The following LYRM4 variants were observed in gnomAD, a reference collection of about 807,000 sequenced individuals.
LYRM4 encodes LYR motif-containing protein 4.
In LYRM4, 9 loss-of-function variants were observed where a neutral mutation model predicts 11.7. The observed-to-expected ratio is 0.77, with a 90% CI of 0.46 to 1.34. The LOEUF is 1.34. Ranked by LOEUF, LYRM4 falls within the 40% of genes most tolerant of loss-of-function variation. The pLI is 0.00. For missense variants in LYRM4, 133 were observed against 112.5 expected (o/e 1.18, Z -0.82); for synonymous variants, 42 against 40.4 (o/e 1.04, Z -0.15).
chr6:5,057,079 C>A, the LYRM4 span, among the ~76,000 whole-genome samples: 5 of 152,156 alleles, frequency 3.3e-5, no homozygotes, highest in Non-Finnish European at 7.3e-5. Flanking sequence ...ACGGGTAGGG[C>A]TTTATCCATC....
the LYRM4 span, chr6:5,086,163 G>T: frequency 1.3e-6 from 2 of 1,528,484 alleles, no homozygotes; most frequent in Middle Eastern, 1.7e-4. Context: ...TGCAGTGCTC[G>T]ACGGCCTCGG....
chr6:5,091,792 A>G, the LYRM4 span, among the ~76,000 whole-genome samples: 5 of 152,112 alleles, frequency 3.3e-5, no homozygotes, highest in Non-Finnish European at 7.4e-5. Context: ...TCAACCAGAA[A>G]CTCCACATTT....
intron 2 of LYRM4, among the ~76,000 whole-genome samples, chr6:5,194,438 C>A (rs1482916442): frequency 6.6e-6 from 1 of 152,224 alleles, no homozygotes; most frequent in African/African-American, 2.4e-5. Context: ...GTTCCTAAGT[C>A]TGTAATTTCT....
chr6:5,225,753 A>T (rs1370876434), intron 1 of LYRM4, among the ~76,000 whole-genome samples: 1 of 152,204 alleles, frequency 6.6e-6, no homozygotes, highest in African/African-American at 2.4e-5. Flanking sequence ...AGATAGATAA[A>T]TATTTTACTG....
the LYRM4 span, among the ~76,000 whole-genome samples, chr6:5,097,242 A>G: frequency 1.6e-5 from 2 of 123,144 alleles, no homozygotes; most frequent in Non-Finnish European, 3.6e-5. Flanking sequence ...TCTTCTTAGA[A>G]AGCCAACAGT....
Position 5,184,102 on chromosome 6 carries a change from C to G in LYRM4, c.207+32516G>C, listed in dbSNP as rs750596174. 1.3e-5 allele frequency among the ~76,000 whole-genome samples: 2 copies of G among 151,976 alleles called. 1 individual carries two copies. The highest frequency in any genetic ancestry group is 4.1e-4 in the South Asian group (2 of 4,824). On this transcript the variant is annotated intron_variant, in intron 2 of 2. Transcript: ENST00000330636. Reference sequence around the variant, plus strand: ...ACTTTTTTTTTCTTGTGTATCAAAGCTTTTATACAAGAAACTAAGTGGTAA... The same window carrying G: ...ACTTTTTTTTTCTTGTGTATCAAAGGTTTTATACAAGAAACTAAGTGGTAA...
chr6:5,230,153 CAG>C (rs1763148810), intron 1 of LYRM4, among the ~76,000 whole-genome samples: 1 of 152,172 alleles, frequency 6.6e-6, no homozygotes, highest in South Asian at 2.1e-4. Context: ...CCTATTTAGA[CAG>C]TGCAATTTCC....
At chr6:5,186,604 T>C (rs1760408042) in intron 2 of LYRM4, 1 of 979,770 alleles carries the variant, frequency 1.0e-6, no homozygotes. Context: ...CAGAAGGAAA[T>C]GCAAGAGAAT....
the LYRM4 span, among the ~76,000 whole-genome samples, chr6:5,044,651 A>G: frequency 3.9e-5 from 6 of 152,120 alleles, no homozygotes; most frequent in African/African-American, 1.4e-4. Flanking sequence ...AAGAAAATGT[A>G]TCCCCTCTAG....
chr6:5,169,733 C>T (rs540325985), intron 2 of LYRM4, among the ~76,000 whole-genome samples: 12 of 152,264 alleles, frequency 7.9e-5, no homozygotes, highest in African/African-American at 2.6e-4. Context: ...CTGACTTATT[C>T]GCTTGCCTAT....
intron 2 of LYRM4, among the ~76,000 whole-genome samples, chr6:5,123,413 C>T (rs1263845531): frequency 2.0e-5 from 3 of 152,126 alleles, no homozygotes; most frequent in East Asian, 1.9e-4. Context: ...GACTCACCCC[C>T]GAAGACACTG....
downstream of LYRM4, among the ~76,000 whole-genome samples, chr6:5,101,872 T>C (rs1762507555): frequency 6.6e-6 from 1 of 151,872 alleles, no homozygotes; most frequent in Non-Finnish European, 1.5e-5. Context: ...CATGGCTCAC[T>C]TGACCTCCTG....
At chr6:5,101,968 C>CTTTTTTTTTTTTGTTTTTTTTTT (rs1762514783), downstream of LYRM4, among the ~76,000 whole-genome samples, 1 of 67,988 alleles carries the variant, frequency 1.5e-5, no homozygotes, top group Non-Finnish European at 3.0e-5. Flanking sequence ...CTAATGCTTT[C>CTTTTTTTTTTTTGTTTTTTTTTT]TTTTTTTTTT....
chr6:5,055,908 C>T, the LYRM4 span, among the ~76,000 whole-genome samples: 39 of 152,142 alleles, frequency 2.6e-4, no homozygotes, highest in Non-Finnish European at 4.7e-4. This position sits in a 1 kb window ranked among gnomAD's most constrained non-coding sequence, Gnocchi z 4.5. Flanking sequence ...AGTGGTTATT[C>T]AAGTTTTTGG....
intron 2 of LYRM4, among the ~76,000 whole-genome samples, chr6:5,136,019 G>A (rs1757076563): frequency 6.6e-6 from 1 of 152,160 alleles, no homozygotes; most frequent in Non-Finnish European, 1.5e-5. Flanking sequence ...TTTCTTCTAT[G>A]GCTTATTTCA....
At chr6:5,124,419 T>C (rs565901391) in intron 2 of LYRM4, among the ~76,000 whole-genome samples, 24 of 152,342 alleles carry the variant, frequency 1.6e-4, no homozygotes, top group African/African-American at 5.3e-4. Flanking sequence ...AGAAAAGGTT[T>C]CTTTCCTAGC....
chr6:5,108,471 G>T lies in LYRM4; in HGVS notation c.*952C>A, dbSNP rs1467444827. On this transcript the variant is annotated 3_prime_UTR_variant, in exon 3 of 3. Coordinates refer to ENST00000330636, the MANE Select transcript of LYRM4 (RefSeq NM_020408.6). ...ACCTGTAATATACTTAAAGAGCAGG[G>T]GTCCCCAGTTGGTTAAACATTGAAA... 1.0e-6 allele frequency: 1 copy of T among 976,912 alleles called. No individual in the cohort carries two copies. The highest frequency in any genetic ancestry group is 1.8e-5 in the African/African-American group (1 of 57,046). 60.5% of individuals were successfully genotyped at this position (976,912 alleles called of 1,614,324 possible).
the LYRM4 span, among the ~76,000 whole-genome samples, chr6:5,046,852 G>T: frequency 6.6e-6 from 1 of 152,202 alleles, no homozygotes. Context: ...CACTTTGGGA[G>T]GCCAAGAAGG....
chr6:5,223,505 C>A (rs1188529893), intron 1 of LYRM4, among the ~76,000 whole-genome samples: 1 of 152,144 alleles, frequency 6.6e-6, no homozygotes, highest in Non-Finnish European at 1.5e-5. Context: ...GGTCGATAAG[C>A]CCTATCCAAT....
Sources: gnomAD v4.1 joint callset for allele counts (sites outside exome capture counted in the v4.1 genomes callset) on GRCh38, gnomAD v4.1.1 for gene constraint, Gnocchi (gnomAD v3.1) non-coding constraint, MANE v1.5 for transcripts, NCBI Gene and HGNC (gene_info 2026-07-23, HGNC 2026-07-21) for gene names.